DNAH8: variants seen among roughly 807,000 people sequenced by gnomAD.
The protein encoded by DNAH8 is axonemal beta dynein heavy chain 8.
A neutral mutation model predicts 562.1 loss-of-function variants in DNAH8; 382 were observed. The observed-to-expected ratio is 0.68, with a 90% confidence interval of 0.63 to 0.74. The LOEUF is 0.74. Among genes scored for constraint, DNAH8 ranks in the 30% least tolerant of loss-of-function variants. The probability of loss-of-function intolerance (pLI) is 0.00; values close to 1 mark genes in which losing one functional copy is unlikely to be tolerated. For missense variants in DNAH8, 5,203 were observed against 5,620.4 expected (o/e 0.93, Z 2.37); for synonymous variants, 1,881 against 1,919.4 (o/e 0.98, Z 0.52).
At chr6:38,876,694 G>A (rs1482535391) in intron 53 of DNAH8, among the ~76,000 whole-genome samples, 4 of 152,152 alleles carry the variant, frequency 2.6e-5, no homozygotes, top group Non-Finnish European at 5.9e-5. Flanking sequence ...TTATAAGTCT[G>A]TTTGAGAAAA....
At chr6:38,716,266 C>G (rs1381201836) in intron 1 of DNAH8, among the ~76,000 whole-genome samples, 1 of 151,704 alleles carries the variant, frequency 6.6e-6, no homozygotes, top group Non-Finnish European at 1.5e-5. Flanking sequence ...CGGCCATATA[C>G]CTATATATTT....
At chr6:38,950,277 A>C (rs1366087948) in intron 81 of DNAH8, among the ~76,000 whole-genome samples, 1 of 151,792 alleles carries the variant, frequency 6.6e-6, no homozygotes, top group East Asian at 1.9e-4. Context: ...AGACCCCCAC[A>C]TGAAAAATGA....
At chr6:38,967,234 GTCTAC>G (rs1255404678) in intron 82 of DNAH8, among the ~76,000 whole-genome samples, 1 of 152,032 alleles carries the variant, frequency 6.6e-6, no homozygotes, top group Non-Finnish European at 1.5e-5. Flanking sequence ...AGACAAGGAT[GTCTAC>G]TCTTACGACT....
chr6:38,794,962 G>A (rs147239226), intron 21 of DNAH8, among the ~76,000 whole-genome samples: 1 of 152,200 alleles, frequency 6.6e-6, no homozygotes, highest in East Asian at 1.9e-4. Flanking sequence ...AGCTTTAATA[G>A]AAATTGTCTT....
intron 56 of DNAH8, among the ~76,000 whole-genome samples, chr6:38,884,979 C>A (rs1778813730): frequency 6.6e-6 from 1 of 152,092 alleles, no homozygotes; most frequent in South Asian, 2.1e-4. Context: ...CAGGACAAGT[C>A]CCATTTTGCT....
Position 38,894,780 on chromosome 6 carries a change from T to G in DNAH8, c.8663T>G (p.Leu2888Trp), listed in dbSNP as rs1779565258. The G allele has an allele frequency of 1.2e-6, 2 of 1,614,142 alleles. No individual in the cohort carries two copies. Among genetic ancestry groups the G allele is most frequent in the African/African-American group, 2.7e-5 (2 of 75,050 alleles). ...RDLSRIWQGM[L>W]TIKAEECASI... Reference sequence around the variant, plus strand: ...CTTTCCAGAATTTGGCAAGGAATGTTGACCATAAAAGCTGAGGAGTGCGCT... The same window carrying G: ...CTTTCCAGAATTTGGCAAGGAATGTGGACCATAAAAGCTGAGGAGTGCGCT... Residue 2888 changes from leucine to tryptophan, a missense_variant, in exon 59 of 93, where the codon TTG (leucine) becomes TGG (tryptophan). By Grantham distance (61) the Leu-to-Trp change is moderately conservative (BLOSUM62 -2). Around this residue, in one of 6 missense-constraint regions of DNAH8, gnomAD observed 977 missense variants for 1,061.8 expected, o/e 0.92. Coordinates refer to ENST00000327475, the MANE Select transcript of DNAH8 (RefSeq NM_001206927.2).
Position 38,781,237 on chromosome 6 carries a change from C to T in DNAH8, c.2140-17C>T. On this transcript the variant is annotated splice_polypyrimidine_tract_variant and intron_variant, in intron 15 of 92. Coordinates refer to ENST00000327475, the MANE Select transcript of DNAH8 (RefSeq NM_001206927.2). ...TTGTATTGAATTCAAACATTAACAT[C>T]AGATTTTTAATTACAGCTTTATCAT... 6.2e-7 allele frequency: 1 copy of T among 1,613,140 alleles called. No individual in the cohort carries two copies. The highest frequency in any genetic ancestry group is 2.2e-5 in the East Asian group (1 of 44,826).
At chr6:39,003,723 T>G (rs1245543409) in intron 88 of DNAH8, among the ~76,000 whole-genome samples, 1 of 152,202 alleles carries the variant, frequency 6.6e-6, no homozygotes, top group African/African-American at 2.4e-5. Context: ...CTATATAGAT[T>G]TTTATAAAGC....
intron 60 of DNAH8, among the ~76,000 whole-genome samples, chr6:38,896,526 G>A (rs886253385): frequency 6.6e-6 from 1 of 151,948 alleles, no homozygotes. Flanking sequence ...AGTGAGCTGT[G>A]ATTGTGTCAC....
intron 1 of DNAH8, among the ~76,000 whole-genome samples, chr6:38,716,059 A>C (rs1308632434): frequency 6.8e-6 from 1 of 147,228 alleles, no homozygotes; most frequent in African/African-American, 2.6e-5. Context: ...CCCTGGTTCA[A>C]GCCATTCTCC....
intron 77 of DNAH8, 38 bp from the exon 78 acceptor site, chr6:38,937,936 C>G (rs116592700): frequency 6.3e-7 from 1 of 1,599,734 alleles, no homozygotes; most frequent in Non-Finnish European, 8.5e-7. Flanking sequence ...GCAAGTTTCC[C>G]GTCTTGTGTA....
At chr6:38,737,046 A>G in intron 5 of DNAH8, 21 bp from the exon 6 acceptor site, 1 of 1,498,486 alleles carries the variant, frequency 6.7e-7, no homozygotes, top group Non-Finnish European at 8.9e-7. Context: ...GTAAAATAAC[A>G]TTTAAACTCC....
chr6:38,773,479 T>TCTCACCCACTCTGCACCCA (rs1295547042), intron 12 of DNAH8, among the ~76,000 whole-genome samples: 1 of 152,108 alleles, frequency 6.6e-6, no homozygotes, highest in Non-Finnish European at 1.5e-5. Flanking sequence ...CCCACTCTGG[T>TCTCACCCACTCTGCACCCA]CTCTGGAGAA....
At position 38,866,895 on chromosome 6, in the gene DNAH8, T is replaced by C; in HGVS notation, c.6693+19T>C. 1 of 1,461,472 alleles carries C rather than the reference T, an allele frequency of 6.8e-7. No homozygotes were observed. 90.5% of individuals were successfully genotyped at this position (1,461,472 alleles called of 1,614,324 possible). A position where few individuals can be genotyped will look rare whatever the true frequency, so the allele number is the denominator to read the frequency against. On this transcript the variant is annotated intron_variant, in intron 47 of 92. Transcript: ENST00000327475. ...TAAACAGGTAACTTTATAGATCTGCTTTCCTCCTAGCAATAGTATTTGGTT... is the reference window on the plus strand; with the variant it reads ...TAAACAGGTAACTTTATAGATCTGCCTTCCTCCTAGCAATAGTATTTGGTT...
At chr6:39,012,083 CAT>C (rs1766248723) in intron 89 of DNAH8, 130 bp from the exon 90 acceptor site, 3 of 587,218 alleles carry the variant, frequency 5.1e-6, no homozygotes, top group East Asian at 2.9e-5. Flanking sequence ...TTCTGCAAGA[CAT>C]ATTTTAGAAT....
intron 88 of DNAH8, among the ~76,000 whole-genome samples, chr6:38,993,088 G>A (rs907847586): frequency 2.0e-5 from 3 of 152,062 alleles, no homozygotes; most frequent in African/African-American, 7.2e-5. Flanking sequence ...AACATCATGA[G>A]TTAATACAAA....
rs374339053 is a variant in DNAH8 at position 38,995,471 on chromosome 6, G to A, written c.13214+5299G>A. 8.5e-5 allele frequency among the ~76,000 whole-genome samples: 13 copies of A among 152,234 alleles called. No individual in the cohort carries two copies. In the East Asian group the frequency reaches 2.1e-3, roughly 25 times the overall value. On this transcript the variant is annotated intron_variant, in intron 88 of 92. Transcript: ENST00000327475. Reference sequence around the variant, plus strand: ...GCTCTGGAACAATTTATGTAGTATTGGATGCTTTAAAGTTTGGTAGAATTC... The same window carrying A: ...GCTCTGGAACAATTTATGTAGTATTAGATGCTTTAAAGTTTGGTAGAATTC...
intron 82 of DNAH8, among the ~76,000 whole-genome samples, chr6:38,961,295 T>C (rs991590602): frequency 2.6e-5 from 4 of 151,980 alleles, no homozygotes; most frequent in Non-Finnish European, 4.4e-5. Context: ...AGAGAGAATA[T>C]TGAATGCTCT....
At position 39,002,899 on chromosome 6, in the gene DNAH8, CCTT is replaced by C. The variant is rs1765578601; in HGVS notation, c.13215-5914_13215-5912del. ...AAAGTTCTGTATGTGAAGCATGACACCTTATGCATTTATCATGGCATGACTTTT... is the reference window on the plus strand; with the variant it reads ...AAAGTTCTGTATGTGAAGCATGACACATGCATTTATCATGGCATGACTTTT... On this transcript the variant is annotated intron_variant, in intron 88 of 92. Transcript: ENST00000327475. Among the ~76,000 whole-genome samples, 6 of 152,118 alleles carry C rather than the reference CCTT, an allele frequency of 3.9e-5. No homozygotes were observed. The South Asian group carries it at 1.2e-3, about 32-fold the overall frequency.
Sources: allele counts gnomAD v4.1 joint callset (sites outside exome capture counted in the v4.1 genomes callset), GRCh38; gene constraint gnomAD v4.1.1; regional missense constraint gnomAD v4.1.1; transcripts MANE v1.5; gene names NCBI Gene and HGNC (gene_info 2026-07-23, HGNC 2026-07-21).